The following MUC5AC variants were observed in gnomAD, a reference collection of about 807,000 sequenced individuals.
MUC5AC encodes the protein mucin-5AC.
In MUC5AC, 158 loss-of-function variants were observed where a neutral mutation model predicts 169.7. The ratio of observed to expected loss-of-function variants is 0.93; its 90% CI spans 0.82 to 1.06. The LOEUF is 1.06. MUC5AC is among the 50% of genes least tolerant of loss of function. The pLI is 0.00. For missense variants in MUC5AC, 4,359 were observed against 3,089.9 expected (o/e 1.41, Z -9.74); for synonymous variants, 1,975 against 1,237.0 (o/e 1.60, Z -12.52).
At chr11:1,176,471 C>T (rs922816430) in intron 20 of MUC5AC, 43 bp from the exon 21 acceptor site, 6 of 398,758 alleles carry the variant, frequency 1.5e-5, no homozygotes, top group African/African-American at 8.2e-5. Flanking sequence ...TGGCAGGCCC[C>T]GTGCCCTGCC....
chr11:1,193,850 T>A (rs1281964216), intron 33 of MUC5AC, among the ~76,000 whole-genome samples, 191 bp downstream of exon 33: 1 of 152,192 alleles, frequency 6.6e-6, no homozygotes, highest in Non-Finnish European at 1.5e-5. Context: ...GCTGAGTGAA[T>A]CCCTGTGAGC....
At position 1,187,872 on chromosome 11, in the gene MUC5AC, G is replaced by A. The variant is rs1554928372; in HGVS notation, c.9727G>A (p.Gly3243Ser). ...AGACTTCCCATCCCCTGGACCCCACGGCGGGGACAAGGAAACCTACAACAA... is the reference window on the plus strand; with the variant it reads ...AGACTTCCCATCCCCTGGACCCCACAGCGGGGACAAGGAAACCTACAACAA... The part of the protein sequence containing the change: ...DIDFPSPGPH[G>S]GDKETYNNII... The change falls in exon 31 of 49, where the codon GGC becomes AGC. Residue 3243 changes from glycine to serine, a missense_variant. By Grantham distance (56) the Gly-to-Ser change is moderately conservative (BLOSUM62 0). Coordinates refer to ENST00000621226, the MANE Select transcript of MUC5AC (RefSeq NM_001304359.2). 21 of 762,414 alleles carry A rather than the reference G, an allele frequency of 2.8e-5. No homozygotes were observed. The highest frequency in any genetic ancestry group is 6.8e-5 in the African/African-American group (4 of 59,038). The allele number at this position is 762,414 out of a possible 1,614,324, so 47.2% of individuals were successfully genotyped here. A position where few individuals can be genotyped will look rare whatever the true frequency, so the allele number is the denominator to read the frequency against.
At position 1,189,227 on chromosome 11, in the gene MUC5AC, C is replaced by A; in HGVS notation, c.11082C>A (p.Thr3694=). 1 of 596,650 alleles carries A rather than the reference C, an allele frequency of 1.7e-6. No individual in the cohort carries two copies. The highest frequency in any genetic ancestry group is 2.7e-5 in the East Asian group (1 of 36,364). 37.0% of individuals were successfully genotyped at this position (596,650 alleles called of 1,614,324 possible). ...CCAGCACAACCTCTGCCCCAACAAC[C>A]AGCACAACCTCTGCTCCCACAACGA... is the stretch of plus-strand genomic sequence containing the variant. ...SIPSTTSAPT[T]STTSAPTTST... Residue 3694 remains threonine, a synonymous_variant, in exon 31 of 49, where the codon ACC becomes ACA. Coordinates refer to ENST00000621226, the MANE Select transcript of MUC5AC (RefSeq NM_001304359.2).
chr11:1,193,271 C>T (rs1343721177), intron 32 of MUC5AC, among the ~76,000 whole-genome samples: 4 of 151,450 alleles, frequency 2.6e-5, no homozygotes, highest in Non-Finnish European at 5.9e-5. Context: ...GGGAGTGTGG[C>T]AGAGCCAGGG....
Position 1,189,878 on chromosome 11 carries a change from A to C in MUC5AC, c.11733A>C (p.Thr3911=). Residue 3911 remains threonine (T), a synonymous_variant, in exon 31 of 49, where the codon ACA becomes ACC. Transcript: ENST00000621226. ...TSKTSAATSS[T]TSGSGTTPSP... The stretch of plus-strand genomic sequence containing the variant: ...AAACCTCAGCTGCTACAAGCAGCAC[A>C]ACCTCCGGTTCTGGAACTACTCCCA... 1.3e-6 allele frequency: 1 copy of C among 764,876 alleles called. No individual in the cohort carries two copies. The allele number at this position is 764,876 out of a possible 1,614,324, so 47.4% of individuals were successfully genotyped here.
At position 1,198,927 on chromosome 11, in the gene MUC5AC, G is replaced by A. The variant is rs760904372; in HGVS notation, c.16227G>A (p.Pro5409=). 3.7e-5 allele frequency: 28 copies of A among 761,628 alleles called. No individual in the cohort carries two copies. Among genetic ancestry groups the A allele is most frequent in the Non-Finnish European group, 5.3e-5 (22 of 416,598 alleles). 47.2% of individuals were successfully genotyped at this position (761,628 alleles called of 1,614,324 possible). A position where few individuals can be genotyped will look rare whatever the true frequency, so the allele number is the denominator to read the frequency against. Residue 5409 remains proline (P), a synonymous_variant, in exon 44 of 49, where the codon CCG becomes CCA. Coordinates refer to ENST00000621226, the MANE Select transcript of MUC5AC (RefSeq NM_001304359.2). ...GCGAAACCTGCAGGTGTGAGCTGCCGGGTGGCCCCCCATCGGACGCGTTTG... is the reference window on the plus strand; with the variant it reads ...GCGAAACCTGCAGGTGTGAGCTGCCAGGTGGCCCCCCATCGGACGCGTTTG... ...SLCETCRCEL[P]GGPPSDAFVV...
chr11:1,193,904 C>A (rs971722161), intron 33 of MUC5AC, among the ~76,000 whole-genome samples: 1 of 152,236 alleles, frequency 6.6e-6, no homozygotes, highest in Admixed American at 6.5e-5. Flanking sequence ...TCTGTCCCTG[C>A]CTCGCTCCAG....
chr11:1,168,355 C>G (rs1385592664), intron 12 of MUC5AC, 128 bp from the exon 13 acceptor site: 1 of 882,684 alleles, frequency 1.1e-6, no homozygotes, highest in Non-Finnish European at 1.8e-6. Flanking sequence ...GAGCACAAGG[C>G]CACCTTGTAG....
At chr11:1,175,642 ACT>A (rs1231489918) in intron 19 of MUC5AC, among the ~76,000 whole-genome samples, 41 of 135,370 alleles carry the variant, frequency 3.0e-4, no homozygotes, top group East Asian at 4.6e-4. Context: ...CTTATGCAAC[ACT>A]CACACACCCA....
chr11:1,189,919 C>A lies in MUC5AC; in HGVS notation c.11774C>A (p.Thr3925Asn). The change falls in exon 31 of 49, where the codon ACC becomes AAC. Residue 3925 changes from threonine (T) to asparagine (N), a missense_variant. Thr to Asn is a moderately conservative substitution (Grantham distance 65). Coordinates refer to ENST00000621226, the MANE Select transcript of MUC5AC (RefSeq NM_001304359.2). ...ACTACTCCCAGCCCCGTTCCCACCACCAGCACAGCCTCTGTTTCAAAGACC... is the reference window on the plus strand; with the variant it reads ...ACTACTCCCAGCCCCGTTCCCACCAACAGCACAGCCTCTGTTTCAAAGACC... ...SGTTPSPVPT[T>N]STASVSKTST... 1 of 765,164 alleles carries A rather than the reference C, an allele frequency of 1.3e-6. No homozygotes were observed. Among genetic ancestry groups the A allele is most frequent in the Non-Finnish European group, 2.4e-6 (1 of 417,874 alleles). The allele number at this position is 765,164 out of a possible 1,614,324, so 47.4% of individuals were successfully genotyped here. A position where few individuals can be genotyped will look rare whatever the true frequency, so the allele number is the denominator to read the frequency against.
At chr11:1,198,247 T>C in intron 42 of MUC5AC, 21 bp from the exon 43 acceptor site, 1 of 748,350 alleles carries the variant, frequency 1.3e-6, no homozygotes, top group Non-Finnish European at 2.4e-6. Flanking sequence ...GGGGTGCAGC[T>C]GCTTGTCTTC....
chr11:1,175,557 TCA>T (rs1286375359), intron 19 of MUC5AC, among the ~76,000 whole-genome samples: 24,708 of 117,146 alleles, frequency 0.21, 2,366 homozygotes, highest in Non-Finnish European at 0.23. Context: ...ATGCACACAC[TCA>T]CACTCATGCA....
Position 1,185,619 on chromosome 11 carries a change from C to T in MUC5AC, c.7474C>T (p.Pro2492Ser). Residue 2492 changes from proline (P) to serine (S), a missense_variant, in exon 31 of 49, where the codon CCT becomes TCT. Pro to Ser is a moderately conservative substitution (Grantham distance 74). Transcript: ENST00000621226. ...TSTTSGPETTPRPVPTTSTTS... is the reference protein window; with the variant it reads ...TSTTSGPETTSRPVPTTSTTS... ...CACAACCTCTGGTCCTGAAACTACT[C>T]CTAGACCTGTTCCTACCACCAGCAC... 1.4e-6 allele frequency: 1 copy of T among 731,878 alleles called. No homozygotes were observed. The highest frequency in any genetic ancestry group is 2.5e-5 in the East Asian group (1 of 39,682). The allele number at this position is 731,878 out of a possible 1,614,324, so 45.3% of individuals were successfully genotyped here.
In MUC5AC at chr11:1,186,751, C is replaced by A. The variant is rs1860957426; in HGVS notation, c.8606C>A (p.Thr2869Asn). The change falls in exon 31 of 49, where the codon ACC (threonine) becomes AAC (asparagine). Residue 2869 changes from threonine (T) to asparagine (N), a missense_variant. Thr to Asn is a moderately conservative substitution (Grantham distance 65). Transcript: ENST00000621226. ...ACCTCTGTCCCTACAAGCAGCACAA[C>A]CTCCACTGCTACAACCAGCACAACC... ...RTTSVPTSST[T>N]STATTSTTSG... 6.8e-6 allele frequency: 5 copies of A among 734,646 alleles called. No individual in the cohort carries two copies. The highest frequency in any genetic ancestry group is 1.2e-5 in the Non-Finnish European group (5 of 402,734). 45.5% of individuals were successfully genotyped at this position (734,646 alleles called of 1,614,324 possible). A position where few individuals can be genotyped will look rare whatever the true frequency, so the allele number is the denominator to read the frequency against.
intron 10 of MUC5AC, 23 bp from the exon 11 acceptor site, chr11:1,165,599 G>A (rs775737064): frequency 4.3e-5 from 70 of 1,610,566 alleles, no homozygotes; most frequent in Admixed American, 1.2e-4. Flanking sequence ...CGGCACCCAC[G>A]TGGCACCATC....
intron 41 of MUC5AC, 108 bp from the exon 42 acceptor site, chr11:1,197,795 C>A: frequency 1.6e-6 from 1 of 639,578 alleles, no homozygotes; most frequent in South Asian, 1.7e-5. Flanking sequence ...ATCTGGAGAC[C>A]CCCGAGCGGG....
intron 35 of MUC5AC, 116 bp downstream of exon 35, chr11:1,194,786 C>T: frequency 3.2e-6 from 2 of 626,398 alleles, no homozygotes; most frequent in Non-Finnish European, 2.9e-6. Context: ...GGCTGCTCTG[C>T]TGAGTGCAGG....
intron 10 of MUC5AC, 62 bp from the exon 11 acceptor site, chr11:1,165,560 G>A (rs55913171): frequency 0.035 from 55,676 of 1,602,074 alleles, 1,220 homozygotes; most frequent in Non-Finnish European, 0.039. Context: ...GCCTCCTGAC[G>A]CGGAGGCTGG....
chr11:1,185,129 T>C lies in MUC5AC; in HGVS notation c.6984T>C (p.Pro2328=). Residue 2328 remains proline (P), a synonymous_variant, in exon 31 of 49, where the codon CCT becomes CCC. Transcript: ENST00000621226. ...SAPTTSITSA[P]TTSTTSAPTS... ...CTACAACTAGCATAACCTCTGCCCC[T>C]ACAACCAGCACAACCTCTGCCCCTA... 1 of 726,118 alleles carries C rather than the reference T, an allele frequency of 1.4e-6. No individual in the cohort carries two copies. Among genetic ancestry groups the C allele is most frequent in the South Asian group, 1.4e-5 (1 of 69,760 alleles). The allele number at this position is 726,118 out of a possible 1,614,324, so 45.0% of individuals were successfully genotyped here.
Sources: gnomAD v4.1 joint callset for allele counts (sites outside exome capture counted in the v4.1 genomes callset) on GRCh38, gnomAD v4.1.1 for gene constraint, MANE v1.5 for transcripts, NCBI Gene and HGNC (gene_info 2026-07-23, HGNC 2026-07-21) for gene names.